Variants in PRKD3 observed in about 807,000 individuals in gnomAD.
PRKD3 encodes the protein protein kinase D3.
A neutral mutation model predicts 99.2 loss-of-function variants in PRKD3; 47 were observed. The observed-to-expected ratio is 0.47, with a 90% CI of 0.38 to 0.60. The LOEUF is 0.60. Among genes scored for constraint, PRKD3 ranks in the 20% least tolerant of loss-of-function variants. The pLI is 0.00. For synonymous variants in PRKD3, 392 were observed against 355.4 expected, an observed-to-expected ratio of 1.10 and a Z score of -1.16; for missense variants, 1,019 against 1,088.4, an observed-to-expected ratio of 0.94 and a Z score of 0.90.
intron 2 of PRKD3, among the ~76,000 whole-genome samples, chr2:37,311,087 C>A (rs1558578941): frequency 6.6e-6 from 1 of 152,058 alleles, no homozygotes; most frequent in Non-Finnish European, 1.5e-5. Context: ...CATAAAGAGA[C>A]CAGTATCTGC....
At chr2:37,290,762 G>A (rs1175622764) in intron 4 of PRKD3, 106 bp downstream of exon 4, 11 of 1,264,546 alleles carry the variant, frequency 8.7e-6, no homozygotes, top group South Asian at 3.0e-5. Flanking sequence ...CTAAATCCTC[G>A]TTACCACCCT....
chr2:37,292,676 C>A (rs954738173), intron 3 of PRKD3, among the ~76,000 whole-genome samples: 5 of 151,796 alleles, frequency 3.3e-5, no homozygotes, highest in African/African-American at 9.7e-5. Context: ...AGACGAGTCT[C>A]GCTCTGTTGT....
At chr2:37,276,860 T>A (rs966471986) in intron 9 of PRKD3, among the ~76,000 whole-genome samples, 1 of 151,096 alleles carries the variant, frequency 6.6e-6, no homozygotes, top group African/African-American at 2.4e-5. Flanking sequence ...AACTTTATTT[T>A]TTTCAAAATG....
At chr2:37,273,136 A>C (rs1669385765) in intron 11 of PRKD3, among the ~76,000 whole-genome samples, 1 of 152,134 alleles carries the variant, frequency 6.6e-6, no homozygotes, top group African/African-American at 2.4e-5. Flanking sequence ...CATTTTTATA[A>C]TTTTATAATG....
rs1422802559 is a variant in PRKD3, at chr2:37,278,078, C to T, written c.1173-89G>A. The T allele has an allele frequency of 9.5e-6, 11 of 1,159,160 alleles. No individual in the cohort carries two copies. In the South Asian group the frequency reaches 1.9e-4, roughly 20 times the overall value. 71.8% of individuals were successfully genotyped at this position (1,159,160 alleles called of 1,614,324 possible). A position where few individuals can be genotyped will look rare whatever the true frequency, so the allele number is the denominator to read the frequency against. On this transcript the variant is annotated intron_variant, in intron 8 of 18. Transcript: ENST00000234179. ...GAACATGAAGCCTTTTTAAAGACAA[C>T]TGAGCTAAAATTTTTCAAAATATCT... is the stretch of plus-strand genomic sequence containing the variant.
intron 2 of PRKD3, among the ~76,000 whole-genome samples, chr2:37,300,316 TA>T (rs948023588): frequency 1.3e-5 from 2 of 149,806 alleles, no homozygotes; most frequent in African/African-American, 2.4e-5. Flanking sequence ...GTGAAAAATT[TA>T]AAAAAAAAAT....
chr2:37,311,479 C>A (rs1021137632), intron 2 of PRKD3, among the ~76,000 whole-genome samples: 2 of 152,046 alleles, frequency 1.3e-5, no homozygotes, highest in Non-Finnish European at 2.9e-5. Flanking sequence ...AATATTTGTT[C>A]AACTGAAGCA....
At chr2:37,321,790 G>C (rs967228003) in intron 1 of PRKD3, among the ~76,000 whole-genome samples, 1 of 152,182 alleles carries the variant, frequency 6.6e-6, no homozygotes, top group African/African-American at 2.4e-5. Flanking sequence ...GTACCTTTAA[G>C]GAAATATTTA....
chr2:37,275,869 G>A (rs1161244272), intron 9 of PRKD3, 25 bp from the exon 10 acceptor site: 2 of 1,594,036 alleles, frequency 1.3e-6, no homozygotes, highest in Non-Finnish European at 8.5e-7. Context: ...TTGGAAAACT[G>A]TGAGGTTCAA....
chr2:37,267,283 C>T, intron 14 of PRKD3, 147 bp downstream of exon 14: 1 of 491,904 alleles, frequency 2.0e-6, no homozygotes. Context: ...AAACTACTAC[C>T]ATAAAGCAAG....
chr2:37,262,902 C>CCCG (rs1553366979), intron 14 of PRKD3, among the ~76,000 whole-genome samples: 39 of 151,574 alleles, frequency 2.6e-4, no homozygotes, highest in African/African-American at 6.1e-4. Context: ...CCTTCCCCCC[C>CCCG]CCGTATTTGT....
intron 2 of PRKD3, among the ~76,000 whole-genome samples, chr2:37,299,370 G>A (rs1457789128): frequency 1.3e-5 from 2 of 151,884 alleles, no homozygotes; most frequent in African/African-American, 4.8e-5. Flanking sequence ...GGACAAAGGG[G>A]GTCACATCAA....
chr2:37,260,164 TA>T (rs879771145), intron 15 of PRKD3, 58 bp downstream of exon 15: 121,982 of 896,762 alleles, frequency 0.14, no homozygotes, highest in South Asian at 0.18. Context: ...ACTCTTGTCT[TA>T]AAAAAAAAAA....
In PRKD3 at chr2:37,304,503, G is replaced by A. The variant is rs1358836750; in HGVS notation, c.289-11232C>T. 2.0e-5 allele frequency among the ~76,000 whole-genome samples: 3 copies of A among 152,144 alleles called. No homozygotes were observed. In the East Asian group the frequency reaches 5.8e-4, roughly 29 times the overall value. On this transcript the variant is annotated intron_variant, in intron 2 of 18. Coordinates refer to ENST00000234179, the MANE Select transcript of PRKD3 (RefSeq NM_005813.6). ...CGCCTGTAATCCCAGCACTTTGGGA[G>A]GCTGAGGCAGATGGATCGCCTGAGG...
intron 2 of PRKD3, among the ~76,000 whole-genome samples, chr2:37,296,055 G>A (rs113321725): frequency 0.032 from 4,918 of 151,920 alleles, 93 homozygotes; most frequent in Non-Finnish European, 0.047. Flanking sequence ...CAAGTAAATG[G>A]AAAGAGACAA....
In PRKD3 at chr2:37,275,554, C is replaced by T. The variant is rs1259590737; in HGVS notation, c.1374+213G>A. Among the ~76,000 whole-genome samples the T allele has an allele frequency of 1.4e-4, 22 of 152,146 alleles. No homozygotes were observed. In the South Asian group the frequency reaches 2.3e-3, roughly 16 times the overall value. On this transcript the variant is annotated intron_variant, in intron 10 of 18. Coordinates refer to ENST00000234179, the MANE Select transcript of PRKD3 (RefSeq NM_005813.6). Reference sequence around the variant, plus strand: ...CAGGCAAGCCAGAAATAAATAAATACACGACAACAACAAACAGTCTGGAAG... The same window carrying T: ...CAGGCAAGCCAGAAATAAATAAATATACGACAACAACAAACAGTCTGGAAG...
At chr2:37,257,406 C>G (rs1668040450) in intron 16 of PRKD3, among the ~76,000 whole-genome samples, 1 of 152,072 alleles carries the variant, frequency 6.6e-6, no homozygotes, top group Non-Finnish European at 1.5e-5. Flanking sequence ...TGGCTCACAC[C>G]TGTAATCCCA....
At chr2:37,307,246 T>A (rs998673029) in intron 2 of PRKD3, among the ~76,000 whole-genome samples, 1 of 152,238 alleles carries the variant, frequency 6.6e-6, no homozygotes, top group Admixed American at 6.5e-5. Context: ...CTATAACATT[T>A]GCCAGTAAAA....
chr2:37,276,183 A>G (rs79888929), intron 9 of PRKD3, among the ~76,000 whole-genome samples: 3,464 of 152,170 alleles, frequency 0.023, 58 homozygotes, highest in Middle Eastern at 0.054. Context: ...TATAGGCTAT[A>G]TTTCTAGAAG....
Sources: allele counts gnomAD v4.1 joint callset (sites outside exome capture counted in the v4.1 genomes callset), GRCh38; gene constraint gnomAD v4.1.1; transcripts MANE v1.5; gene names NCBI Gene and HGNC (gene_info 2026-07-23, HGNC 2026-07-21).